The following GRIK2 variants were observed in gnomAD, a reference collection of about 807,000 sequenced individuals.
GRIK2 encodes glutamate receptor ionotropic, kainate 2.
In GRIK2, 32 loss-of-function variants were observed where a neutral mutation model predicts 100.3. That is an observed-to-expected ratio of 0.32 (90% CI 0.24 to 0.43). GRIK2 has a LOEUF of 0.43. Ranked by LOEUF, GRIK2 falls within the 20% of genes least tolerant of loss-of-function variation. The pLI is 1.00. For missense variants in GRIK2, 843 were observed against 1,114.9 expected (o/e 0.76, Z 3.47); for synonymous variants, 417 against 389.4 (o/e 1.07, Z -0.83).
intron 7 of GRIK2, among the ~76,000 whole-genome samples, chr6:101,711,273 T>C (rs576885348): frequency 3.3e-5 from 5 of 151,932 alleles, no homozygotes; most frequent in African/African-American, 1.2e-4. Flanking sequence ...ATGATGAAAT[T>C]CACTGACTGT....
intron 9 of GRIK2, among the ~76,000 whole-genome samples, chr6:101,816,924 C>A (rs1300579045): frequency 6.6e-6 from 1 of 152,040 alleles, no homozygotes; most frequent in Non-Finnish European, 1.5e-5. Flanking sequence ...GTGGCCCCTC[C>A]TTTCTACTGT....
chr6:101,970,474 T>C (rs1011588385), intron 14 of GRIK2, among the ~76,000 whole-genome samples: 1 of 152,034 alleles, frequency 6.6e-6, no homozygotes, highest in Non-Finnish European at 1.5e-5. Context: ...CAGAGGCAGT[T>C]TGGCTGTCGT....
rs539356647 is a variant in GRIK2, at chr6:101,758,908, T to A, written c.952-40740T>A. Among the ~76,000 whole-genome samples, 4 of 152,346 alleles carry A rather than the reference T, an allele frequency of 2.6e-5. No homozygotes were observed. In the East Asian group the frequency reaches 7.7e-4, roughly 29 times the overall value. On this transcript the variant is annotated intron_variant, in intron 7 of 16. Coordinates refer to ENST00000369134, the MANE Select transcript of GRIK2 (RefSeq NM_021956.5). Reference sequence around the variant, plus strand: ...AAGCTTTTGTTTAACTTTATTTGTTTAATTTCAAAAGAGTAAAACTATACT... The same window carrying A: ...AAGCTTTTGTTTAACTTTATTTGTTAAATTTCAAAAGAGTAAAACTATACT...
intron 11 of GRIK2, among the ~76,000 whole-genome samples, chr6:101,889,051 A>G (rs1786858613): frequency 6.6e-6 from 1 of 152,116 alleles, no homozygotes; most frequent in Admixed American, 6.6e-5. Flanking sequence ...TTCATTAAAT[A>G]ATATAAAACA....
intron 14 of GRIK2, among the ~76,000 whole-genome samples, chr6:102,003,344 G>T (rs763350080): frequency 6.6e-6 from 1 of 151,526 alleles, no homozygotes; most frequent in African/African-American, 2.4e-5. Flanking sequence ...ACGCACTCAT[G>T]CTTATGTTTC....
chr6:101,783,317 G>GCTCTCT (rs371239986), intron 7 of GRIK2, among the ~76,000 whole-genome samples: 1 of 145,184 alleles, frequency 6.9e-6, no homozygotes, highest in Non-Finnish European at 1.5e-5. Flanking sequence ...CCATTTGCAT[G>GCTCTCT]CTCTCTCTCT....
At chr6:101,414,338 A>G (rs1250910098) in intron 2 of GRIK2, among the ~76,000 whole-genome samples, 1 of 152,226 alleles carries the variant, frequency 6.6e-6, no homozygotes, top group African/African-American at 2.4e-5. Flanking sequence ...GACCTCTAGT[A>G]TCAAATCATA....
chr6:101,917,888 A>C (rs1019413601), intron 12 of GRIK2, among the ~76,000 whole-genome samples: 1 of 151,534 alleles, frequency 6.6e-6, no homozygotes. Flanking sequence ...AGTAAATATG[A>C]AAATAGTATG....
At chr6:101,776,712 C>G (rs1341398906) in intron 7 of GRIK2, among the ~76,000 whole-genome samples, 2 of 152,112 alleles carry the variant, frequency 1.3e-5, no homozygotes, top group African/African-American at 4.8e-5. Context: ...TTGTCAGTAA[C>G]TTATATGTAC....
At chr6:101,422,680 A>T (rs1003356784) in intron 2 of GRIK2, among the ~76,000 whole-genome samples, 5 of 152,126 alleles carry the variant, frequency 3.3e-5, no homozygotes, top group African/African-American at 9.7e-5. Flanking sequence ...ATTAAAAAAA[A>T]AAAGAAGAAG....
At position 101,754,503 on chromosome 6, in the gene GRIK2, T is replaced by C. The variant is rs180984995; in HGVS notation, c.952-45145T>C. The stretch of plus-strand genomic sequence containing the variant: ...AATTATCTACTTAATATTTTGTAAG[T>C]GTTTACCCTACAGTAGACCTATGCT... On this transcript the variant is annotated intron_variant, in intron 7 of 16. Transcript: ENST00000369134. Among the ~76,000 whole-genome samples the C allele has an allele frequency of 1.6e-3, 249 of 152,346 alleles. 2 individuals carry two copies. The highest frequency in any genetic ancestry group is 5.7e-3 in the African/African-American group (239 of 41,590).
intron 2 of GRIK2, among the ~76,000 whole-genome samples, chr6:101,541,238 A>G (rs952783411): frequency 6.6e-6 from 1 of 152,026 alleles, no homozygotes; most frequent in Non-Finnish European, 1.5e-5. Context: ...AGAACCAAGC[A>G]CTATGACTTC....
chr6:101,596,335 AT>A (rs1778930365), intron 2 of GRIK2, among the ~76,000 whole-genome samples: 1 of 150,984 alleles, frequency 6.6e-6, no homozygotes, highest in Non-Finnish European at 1.5e-5. Flanking sequence ...TCACCTAGAA[AT>A]TTACCTTTTT....
intron 15 of GRIK2, among the ~76,000 whole-genome samples, chr6:102,051,442 TC>T (rs1771190353): frequency 6.6e-6 from 1 of 152,068 alleles, no homozygotes; most frequent in African/African-American, 2.4e-5. Flanking sequence ...TCAAAGAAAG[TC>T]CCACTGAGAG....
chr6:101,729,200 C>G (rs547761072), intron 7 of GRIK2, among the ~76,000 whole-genome samples: 4 of 152,044 alleles, frequency 2.6e-5, no homozygotes, highest in African/African-American at 9.6e-5. Context: ...TAAAATGGCT[C>G]ATTAAAGTAA....
intron 14 of GRIK2, among the ~76,000 whole-genome samples, chr6:101,975,809 G>GTCTA (rs71028093): frequency 0.12 from 18,217 of 147,376 alleles, 1,243 homozygotes; most frequent in Admixed American, 0.16. Context: ...CTATCTATCT[G>GTCTA]TCTATCTATC....
At chr6:101,811,983 C>T (rs1433156306) in intron 9 of GRIK2, among the ~76,000 whole-genome samples, 1 of 151,146 alleles carries the variant, frequency 6.6e-6, no homozygotes, top group Non-Finnish European at 1.5e-5. Context: ...GAATAATTTA[C>T]ACATTCCTGA....
At chr6:101,949,106 T>C (rs567994829) in intron 14 of GRIK2, among the ~76,000 whole-genome samples, 51 of 152,250 alleles carry the variant, frequency 3.3e-4, no homozygotes, top group African/African-American at 1.1e-3. Flanking sequence ...AAAAATAATG[T>C]ATATGTTCTA....
rs2243666 is a variant in GRIK2 at position 102,003,326 on chromosome 6, A to C, written c.2086-32015A>C. Among the ~76,000 whole-genome samples the C allele has an allele frequency of 1.2e-3, 181 of 151,744 alleles. 1 individual carries two copies. The highest frequency in any genetic ancestry group is 4.2e-3 in the African/African-American group (174 of 41,536). Reference sequence around the variant, plus strand: ...CATGGGACAAATGGAATGCGAGTGCATATATACACGCACTCATGCTTATGT... The same window carrying C: ...CATGGGACAAATGGAATGCGAGTGCCTATATACACGCACTCATGCTTATGT... On this transcript the variant is annotated intron_variant, in intron 14 of 16. Coordinates refer to ENST00000369134, the MANE Select transcript of GRIK2 (RefSeq NM_021956.5).
Sources: gnomAD v4.1 joint callset for allele counts (sites outside exome capture counted in the v4.1 genomes callset) on GRCh38, gnomAD v4.1.1 for gene constraint, MANE v1.5 for transcripts, NCBI Gene and HGNC (gene_info 2026-07-23, HGNC 2026-07-21) for gene names.